Variants in LRRC4C observed in about 807,000 individuals in gnomAD.
LRRC4C encodes leucine rich repeat containing 4C.
A neutral mutation model predicts 33.6 loss-of-function variants in LRRC4C; 5 were observed. That is an observed-to-expected ratio of 0.15 (90% CI 0.08 to 0.31). LRRC4C has a LOEUF of 0.31. LRRC4C is among the 10% of genes least tolerant of loss of function. The probability of loss-of-function intolerance (pLI) is 1.00; values close to 1 mark genes in which losing one functional copy is unlikely to be tolerated. For synonymous variants in LRRC4C, 329 were observed against 302.0 expected, an observed-to-expected ratio of 1.09 and a Z score of -0.93; for missense variants, 560 against 796.7, an observed-to-expected ratio of 0.70 and a Z score of 3.58.
At chr11:41,360,355 T>C (rs1222871575) in intron 1 of LRRC4C, among the ~76,000 whole-genome samples, 4 of 152,194 alleles carry the variant, frequency 2.6e-5, no homozygotes, top group Non-Finnish European at 4.4e-5. Flanking sequence ...ATGATTTATC[T>C]ATCCATAGCC....
At chr11:40,898,082 C>T (rs1197206595) in intron 2 of LRRC4C, among the ~76,000 whole-genome samples, 3 of 151,868 alleles carry the variant, frequency 2.0e-5, no homozygotes, top group African/African-American at 7.3e-5. Context: ...AGGCTGGGTG[C>T]GGTGGCTTAC....
intron 4 of LRRC4C, among the ~76,000 whole-genome samples, chr11:40,259,355 G>T (rs1384084202): frequency 1.3e-5 from 2 of 151,870 alleles, no homozygotes; most frequent in African/African-American, 4.8e-5. Flanking sequence ...CTCCCATTTT[G>T]TAGGTTGCCT....
chr11:40,688,451 A>T (rs996435936), intron 2 of LRRC4C, among the ~76,000 whole-genome samples: 1 of 152,118 alleles, frequency 6.6e-6, no homozygotes, highest in African/African-American at 2.4e-5. Flanking sequence ...CCATTTCCTC[A>T]TTTATTCCAA....
At chr11:41,012,366 A>C (rs1411447248) in intron 1 of LRRC4C, among the ~76,000 whole-genome samples, 1 of 152,178 alleles carries the variant, frequency 6.6e-6, no homozygotes, top group Non-Finnish European at 1.5e-5. Context: ...ATTTCACTTA[A>C]TATCATGATA....
At chr11:40,283,693 CTTTTTTTTTTTTTT>C (rs5791366) in intron 4 of LRRC4C, among the ~76,000 whole-genome samples, 1 of 59,262 alleles carries the variant, frequency 1.7e-5, no homozygotes, top group Non-Finnish European at 2.8e-5. Context: ...GGTCCATATT[CTTTTTTTTTTTTTT>C]TTTTTTTTTT....
At chr11:41,218,384 A>G (rs1947155618) in intron 1 of LRRC4C, among the ~76,000 whole-genome samples, 1 of 152,196 alleles carries the variant, frequency 6.6e-6, no homozygotes, top group South Asian at 2.1e-4. Context: ...CATTCTAGTT[A>G]CCTTTGATTC....
intron 5 of LRRC4C, among the ~76,000 whole-genome samples, chr11:40,230,699 A>G (rs1267297098): frequency 6.6e-6 from 1 of 152,222 alleles, no homozygotes; most frequent in African/African-American, 2.4e-5. Flanking sequence ...AATCTGGGGT[A>G]AGAGAAAGTG....
chr11:40,237,519 T>A (rs1377112), intron 5 of LRRC4C, among the ~76,000 whole-genome samples: 1 of 152,008 alleles, frequency 6.6e-6, no homozygotes, highest in Non-Finnish European at 1.5e-5. Context: ...ATGGATTAAG[T>A]AGCATTGTGT....
intron 1 of LRRC4C, among the ~76,000 whole-genome samples, chr11:41,285,509 A>T (rs2136963827): frequency 1.3e-5 from 2 of 152,342 alleles, no homozygotes; most frequent in Middle Eastern, 6.8e-3. Flanking sequence ...AGTAGGGAAC[A>T]CAGACAGGGA....
At chr11:41,049,789 C>T (rs927047610) in intron 1 of LRRC4C, among the ~76,000 whole-genome samples, 1 of 152,114 alleles carries the variant, frequency 6.6e-6, no homozygotes, top group African/African-American at 2.4e-5. Context: ...ATTGGGGGAT[C>T]CAGTGATCTG....
intron 3 of LRRC4C, among the ~76,000 whole-genome samples, chr11:40,408,629 G>T (rs755266984): frequency 9.2e-5 from 14 of 151,816 alleles, no homozygotes; most frequent in Non-Finnish European, 1.8e-4. Context: ...TTCATGAATA[G>T]CCTGTTTTTA....
intron 2 of LRRC4C, among the ~76,000 whole-genome samples, chr11:40,902,015 C>CT (rs1242217987): frequency 2.6e-4 from 33 of 127,362 alleles, no homozygotes; most frequent in South Asian, 1.8e-3. Flanking sequence ...CACACACACA[C>CT]ACACACACAC....
chr11:40,496,869 G>A, intron 3 of LRRC4C, among the ~76,000 whole-genome samples: 1 of 152,116 alleles, frequency 6.6e-6, no homozygotes, highest in East Asian at 1.9e-4. Context: ...GATTCTAAAA[G>A]TTCAGTTTCC....
intron 3 of LRRC4C, among the ~76,000 whole-genome samples, chr11:40,408,325 C>T (rs561317887): frequency 4.6e-5 from 7 of 152,030 alleles, no homozygotes; most frequent in African/African-American, 1.4e-4. Flanking sequence ...AAATTGCACT[C>T]GTAGCATTTA....
intron 1 of LRRC4C, among the ~76,000 whole-genome samples, chr11:41,242,500 A>T (rs1320743765): frequency 6.6e-6 from 1 of 152,116 alleles, no homozygotes; most frequent in Non-Finnish European, 1.5e-5. Flanking sequence ...AGGGTTATGT[A>T]TCTTATCTTT....
intron 1 of LRRC4C, among the ~76,000 whole-genome samples, chr11:41,079,909 C>A (rs1209002071): frequency 2.6e-5 from 4 of 152,068 alleles, no homozygotes; most frequent in Non-Finnish European, 2.9e-5. Context: ...TTAGAGATAC[C>A]AAGGAGGTCA....
intron 3 of LRRC4C, among the ~76,000 whole-genome samples, chr11:40,487,037 G>A (rs1193823033): frequency 6.6e-6 from 1 of 151,956 alleles, no homozygotes; most frequent in East Asian, 1.9e-4. Context: ...GTTATACGGC[G>A]GGGCTCCTAG....
intron 1 of LRRC4C, among the ~76,000 whole-genome samples, chr11:41,045,831 G>A (rs1431443142): frequency 6.6e-6 from 1 of 151,986 alleles, no homozygotes; most frequent in Non-Finnish European, 1.5e-5. Context: ...CTTTTGCCCT[G>A]GGAATAAGGT....
intron 2 of LRRC4C, among the ~76,000 whole-genome samples, chr11:40,698,025 A>G (rs1282797255): frequency 6.7e-6 from 1 of 149,760 alleles, no homozygotes; most frequent in Non-Finnish European, 1.5e-5. Flanking sequence ...CAGAGATTGC[A>G]CCACTGCCCT....
Sources: allele counts gnomAD v4.1 joint callset (sites outside exome capture counted in the v4.1 genomes callset), GRCh38; gene constraint gnomAD v4.1.1; transcripts MANE v1.5; gene names NCBI Gene and HGNC (gene_info 2026-07-23, HGNC 2026-07-21).